CNTN4: variants seen among roughly 807,000 people sequenced by gnomAD.
The protein encoded by CNTN4 is contactin-4.
CNTN4 carries 77 observed loss-of-function variants against 122.5 expected under a neutral mutation model. The ratio of observed to expected loss-of-function variants is 0.63; its 90% CI spans 0.52 to 0.76. The LOEUF (loss-of-function observed/expected upper bound fraction) is 0.76, where lower values mean the gene tolerates loss of function less well. CNTN4 is among the 30% of genes least tolerant of loss of function. The probability of loss-of-function intolerance (pLI) is 0.00; values close to 1 mark genes in which losing one functional copy is unlikely to be tolerated. For synonymous variants in CNTN4, 512 were observed against 447.0 expected (o/e 1.15, Z -1.83); for missense variants, 1,256 against 1,259.1 (o/e 1.00, Z 0.04).
rs372048888 is a variant in CNTN4, at chr3:2,297,102, T to C, written c.-144-42076T>C. 1.9e-4 allele frequency among the ~76,000 whole-genome samples: 29 copies of C among 152,312 alleles called. No homozygotes were observed. The East Asian group carries it at 2.1e-3, about 11-fold the overall frequency. On this transcript the variant is annotated intron_variant, in intron 2 of 24. Transcript: ENST00000418658. ...AGTCTATTGTCAAAATCTGAATTTATTCTGCAATATAAATTCAGTTTGGGT... is the reference window on the plus strand; with the variant it reads ...AGTCTATTGTCAAAATCTGAATTTACTCTGCAATATAAATTCAGTTTGGGT...
chr3:2,715,797 T>G (rs1233108437), intron 4 of CNTN4, among the ~76,000 whole-genome samples: 1 of 152,124 alleles, frequency 6.6e-6, no homozygotes, highest in Non-Finnish European at 1.5e-5. Flanking sequence ...ATGAAGACAG[T>G]ATCATGTCAG....
chr3:2,387,345 C>T (rs1360341982), intron 3 of CNTN4, among the ~76,000 whole-genome samples: 1 of 151,910 alleles, frequency 6.6e-6, no homozygotes, highest in Non-Finnish European at 1.5e-5. Flanking sequence ...TTTTATTATT[C>T]TTAAGGCAAA....
chr3:2,819,434 A>G (rs1434073824), intron 6 of CNTN4, 52 bp from the exon 7 acceptor site: 4 of 1,362,834 alleles, frequency 2.9e-6, no homozygotes, highest in Non-Finnish European at 4.2e-6. Flanking sequence ...CTCTCCCTTG[A>G]TATCTTAGGA....
chr3:2,193,471 T>A (rs2037685430), intron 2 of CNTN4, among the ~76,000 whole-genome samples: 2 of 152,302 alleles, frequency 1.3e-5, no homozygotes, highest in South Asian at 4.1e-4. Flanking sequence ...TGGAAACTTT[T>A]ACTGGTTAAA....
chr3:2,921,326 C>G (rs887557057), intron 12 of CNTN4, among the ~76,000 whole-genome samples: 5 of 152,232 alleles, frequency 3.3e-5, no homozygotes, highest in African/African-American at 4.8e-5. Context: ...CGTGAGCCAA[C>G]ACACCTGACC....
chr3:2,479,547 G>A (rs143527438), intron 3 of CNTN4, among the ~76,000 whole-genome samples: 2,038 of 152,288 alleles, frequency 0.013, 18 homozygotes, highest in South Asian at 0.038. Flanking sequence ...AACCTTATAA[G>A]GGGGATAATG....
intron 6 of CNTN4, among the ~76,000 whole-genome samples, chr3:2,780,943 G>C (rs1464237230): frequency 2.0e-5 from 3 of 152,080 alleles, no homozygotes; most frequent in East Asian, 1.9e-4. Flanking sequence ...AGAATATTTT[G>C]TTCTACATTT....
At chr3:2,957,838 A>G (rs1341622620) in intron 13 of CNTN4, among the ~76,000 whole-genome samples, 1 of 152,160 alleles carries the variant, frequency 6.6e-6, no homozygotes, top group Non-Finnish European at 1.5e-5. Flanking sequence ...CCAGTACACC[A>G]TCAGTGGGCA....
intron 4 of CNTN4, among the ~76,000 whole-genome samples, chr3:2,659,306 A>G (rs950832932): frequency 6.6e-6 from 1 of 151,940 alleles, no homozygotes; most frequent in African/African-American, 2.4e-5. Context: ...TACTAAAAAT[A>G]CAAAAATTAG....
chr3:2,150,801 C>A (rs538827115), intron 2 of CNTN4, among the ~76,000 whole-genome samples: 21 of 152,298 alleles, frequency 1.4e-4, no homozygotes, highest in African/African-American at 4.8e-4. Flanking sequence ...TGTTTAACCA[C>A]AAAACTCATG....
At chr3:2,297,734 C>G (rs971973356) in intron 2 of CNTN4, among the ~76,000 whole-genome samples, 12 of 151,746 alleles carry the variant, frequency 7.9e-5, no homozygotes, top group African/African-American at 1.2e-4. Flanking sequence ...GTTTTGTTTT[C>G]TTTTGTTTTG....
chr3:2,394,154 T>C (rs1401578275), intron 3 of CNTN4, among the ~76,000 whole-genome samples: 1 of 149,388 alleles, frequency 6.7e-6, no homozygotes, highest in Non-Finnish European at 1.5e-5. Flanking sequence ...GTGTGTCGTT[T>C]AAAAAGGAAG....
intron 20 of CNTN4, among the ~76,000 whole-genome samples, chr3:3,040,881 C>T (rs339282): frequency 0.14 from 21,390 of 151,448 alleles, 2,170 homozygotes; most frequent in African/African-American, 0.29. Context: ...GAGCCGAGAT[C>T]GCACCACTGC....
In CNTN4 at chr3:2,960,161, A is replaced by T. The variant is rs1170685917; in HGVS notation, c.1359-28184A>T. Among the ~76,000 whole-genome samples, 3 of 152,192 alleles carry T rather than the reference A, an allele frequency of 2.0e-5. No individual in the cohort carries two copies. The East Asian group carries it at 5.8e-4, about 29-fold the overall frequency. Reference sequence around the variant, plus strand: ...TTTTTGAACCTGTGGAGATTGTAAAAGGCTACATCCCTAGTGAAAATTGGT... The same window carrying T: ...TTTTTGAACCTGTGGAGATTGTAAATGGCTACATCCCTAGTGAAAATTGGT... On this transcript the variant is annotated intron_variant, in intron 13 of 24. Transcript: ENST00000418658.
At chr3:2,830,665 G>T (rs1306551321) in intron 7 of CNTN4, among the ~76,000 whole-genome samples, 1 of 152,192 alleles carries the variant, frequency 6.6e-6, no homozygotes. Context: ...CATGAATCTG[G>T]CTGAGCGTTT....
chr3:2,255,825 C>T (rs527835987), intron 2 of CNTN4, among the ~76,000 whole-genome samples: 2 of 152,222 alleles, frequency 1.3e-5, no homozygotes, highest in South Asian at 4.1e-4. Context: ...TAAGTGCCTG[C>T]AAGAGAAAAC....
intron 2 of CNTN4, among the ~76,000 whole-genome samples, chr3:2,101,721 A>G (rs1176682864): frequency 6.6e-6 from 1 of 152,178 alleles, no homozygotes; most frequent in Non-Finnish European, 1.5e-5. Flanking sequence ...TTATAAACTG[A>G]AGACATGCTG....
intron 14 of CNTN4, among the ~76,000 whole-genome samples, chr3:2,992,719 G>A (rs1048763191): frequency 6.6e-6 from 1 of 152,114 alleles, no homozygotes; most frequent in Admixed American, 6.5e-5. Flanking sequence ...CAAAATGTAG[G>A]GCAGTATGCT....
At chr3:2,400,894 A>G (rs2046833952) in intron 3 of CNTN4, among the ~76,000 whole-genome samples, 1 of 151,490 alleles carries the variant, frequency 6.6e-6, no homozygotes, top group East Asian at 1.9e-4. Flanking sequence ...AAACCCCATC[A>G]CAGGTTTGAA....
Sources: gnomAD v4.1 joint callset for allele counts (sites outside exome capture counted in the v4.1 genomes callset) on GRCh38, gnomAD v4.1.1 for gene constraint, MANE v1.5 for transcripts, NCBI Gene and HGNC (gene_info 2026-07-23, HGNC 2026-07-21) for gene names.